The following UBAP1 variants were observed in gnomAD, a reference collection of about 807,000 sequenced individuals.
UBAP1 encodes the protein ubiquitin associated protein 1, also known as ubiquitin-associated protein 1.
Under a neutral mutation model 39.0 loss-of-function variants are expected in UBAP1, and 5 were observed. The ratio of observed to expected loss-of-function variants is 0.13; its 90% CI spans 0.07 to 0.27. The LOEUF (loss-of-function observed/expected upper bound fraction) is 0.27, where lower values mean the gene tolerates loss of function less well. Ranked by LOEUF, UBAP1 falls within the 10% of genes least tolerant of loss-of-function variation. The pLI is 1.00. For missense variants in UBAP1, 490 were observed against 608.1 expected (o/e 0.81, Z 2.04); for synonymous variants, 211 against 225.1 (o/e 0.94, Z 0.56).
intron 2 of UBAP1, among the ~76,000 whole-genome samples, chr9:34,227,531 G>GA (rs1833168594): frequency 6.6e-6 from 1 of 151,964 alleles, no homozygotes; most frequent in South Asian, 2.1e-4. Context: ...ACTTTTTTTA[G>GA]AAAAAACGGG....
intron 1 of UBAP1, among the ~76,000 whole-genome samples, chr9:34,195,978 A>G (rs1293812284): frequency 1.1e-5 from 1 of 94,922 alleles, no homozygotes; most frequent in Non-Finnish European, 1.9e-5. Context: ...ATAGAGTCTC[A>G]CTATGTTGCC....
At chr9:34,206,586 A>T (rs1831708103) in intron 1 of UBAP1, among the ~76,000 whole-genome samples, 1 of 152,142 alleles carries the variant, frequency 6.6e-6, no homozygotes, top group South Asian at 2.1e-4. Context: ...TTGACTTAAA[A>T]AAAAAACAAA....
At chr9:34,243,254 C>G (rs771301102) in intron 4 of UBAP1, among the ~76,000 whole-genome samples, 4 of 152,166 alleles carry the variant, frequency 2.6e-5, no homozygotes, top group Non-Finnish European at 4.4e-5. Flanking sequence ...GGCCAACACT[C>G]CCTTCCTCTC....
At chr9:34,202,099 G>A (rs1283692372) in intron 1 of UBAP1, among the ~76,000 whole-genome samples, 3 of 152,082 alleles carry the variant, frequency 2.0e-5, no homozygotes, top group Admixed American at 6.5e-5. Context: ...TCCAAATCCA[G>A]TCCTCTTGAG....
At chr9:34,220,785 G>A in intron 1 of UBAP1, 123 bp from the exon 2 acceptor site, 2 of 731,562 alleles carry the variant, frequency 2.7e-6, no homozygotes, top group African/African-American at 1.8e-5. Flanking sequence ...CTTTGGGAGT[G>A]AGACGTGAGG....
chr9:34,215,126 T>A (rs1832225719), intron 1 of UBAP1, among the ~76,000 whole-genome samples: 1 of 152,146 alleles, frequency 6.6e-6, no homozygotes. Context: ...CACTACTGGA[T>A]ATCTACCCAG....
At chr9:34,218,096 CA>C (rs1832437301) in intron 1 of UBAP1, among the ~76,000 whole-genome samples, 1 of 150,034 alleles carries the variant, frequency 6.7e-6, no homozygotes, top group Non-Finnish European at 1.5e-5. Context: ...ACTAAAAATA[CA>C]AAAAATTAGC....
At chr9:34,230,278 C>T (rs949318922) in intron 2 of UBAP1, among the ~76,000 whole-genome samples, 1 of 151,744 alleles carries the variant, frequency 6.6e-6, no homozygotes, top group African/African-American at 2.4e-5. Context: ...GCTGGCCAGG[C>T]TGGTCTCGAA....
rs372322970 is a variant in UBAP1, at chr9:34,179,070, G to A, written c.-178G>A. ...GAAGTAGGACTTCAACATGGCGGCT[G>A]CGGCACTGGCGGTGGCTACGGTGAC... On this transcript the variant is annotated 5_prime_UTR_variant, in exon 1 of 7. Transcript: ENST00000297661. 7.8e-7 allele frequency: 1 copy of A among 1,277,126 alleles called. No individual in the cohort carries two copies. The highest frequency in any genetic ancestry group is 9.9e-7 in the Non-Finnish European group (1 of 1,010,382). 79.1% of individuals were successfully genotyped at this position (1,277,126 alleles called of 1,614,324 possible).
chr9:34,222,552 T>G (rs1832816127), intron 2 of UBAP1, among the ~76,000 whole-genome samples: 1 of 151,508 alleles, frequency 6.6e-6, no homozygotes, highest in African/African-American at 2.4e-5. Flanking sequence ...AACAGTAGAT[T>G]AGGAGGTTGA....
intron 2 of UBAP1, 86 bp downstream of exon 2, chr9:34,221,034 C>G (rs1166916634): frequency 1.7e-6 from 2 of 1,201,470 alleles, no homozygotes; most frequent in African/African-American, 3.0e-5. Context: ...GTACAAGTGC[C>G]CCTTTTTGTC....
chr9:34,202,624 C>CGTGTGTGTGTGTGTGTGTGT lies in UBAP1; in HGVS notation c.-7-18249_-7-18230dup, dbSNP rs56012034. On this transcript the variant is annotated intron_variant, in intron 1 of 6. Coordinates refer to ENST00000297661, the MANE Select transcript of UBAP1 (RefSeq NM_016525.5). ...ATGGGCCAGAAGCTGTAGACAGAAA[C>CGTGTGTGTGTGTGTGTGTGT]GTGTGTGTGTGTGTGTGTGTGTGTG... Among the ~76,000 whole-genome samples, 36 of 107,362 alleles carry CGTGTGTGTGTGTGTGTGTGT rather than the reference C, an allele frequency of 3.4e-4. 1 individual carries two copies. Among genetic ancestry groups the CGTGTGTGTGTGTGTGTGTGT allele is most frequent in the African/African-American group, 1.2e-3 (30 of 25,544 alleles). 70.4% of individuals were successfully genotyped at this position (107,362 alleles called of 152,430 possible).
intron 1 of UBAP1, among the ~76,000 whole-genome samples, chr9:34,192,215 G>A (rs1388413790): frequency 6.6e-6 from 1 of 150,874 alleles, no homozygotes; most frequent in Non-Finnish European, 1.5e-5. Context: ...TGGACAGTGA[G>A]TTGAAAGATC....
intron 2 of UBAP1, among the ~76,000 whole-genome samples, chr9:34,224,986 C>A (rs930781345): frequency 6.6e-6 from 1 of 152,182 alleles, no homozygotes; most frequent in African/African-American, 2.4e-5. Context: ...CTGCTTGCTA[C>A]TTGATCTTTC....
chr9:34,192,581 C>G (rs930205235), intron 1 of UBAP1, among the ~76,000 whole-genome samples: 1 of 149,376 alleles, frequency 6.7e-6, no homozygotes, highest in South Asian at 2.1e-4. Context: ...AAACCAATCT[C>G]TCTCAGCCTT....
intron 1 of UBAP1, among the ~76,000 whole-genome samples, chr9:34,217,798 T>TTTC (rs1832419288): frequency 7.5e-6 from 1 of 133,110 alleles, no homozygotes; most frequent in Non-Finnish European, 1.6e-5. Context: ...TTTTTTTTTT[T>TTTC]TTTTTTTTTT....
At chr9:34,224,367 G>A (rs1449432944) in intron 2 of UBAP1, 5 of 441,268 alleles carry the variant, frequency 1.1e-5, no homozygotes, top group Non-Finnish European at 2.1e-5. Flanking sequence ...GGACCAGCTC[G>A]TTATTAAACG....
At chr9:34,210,778 G>A (rs1265857957) in intron 1 of UBAP1, among the ~76,000 whole-genome samples, 1 of 150,848 alleles carries the variant, frequency 6.6e-6, no homozygotes, top group African/African-American at 2.4e-5. Flanking sequence ...TAGTTTACTG[G>A]TAGAGTGGTT....
rs568545765 is a variant in UBAP1 at position 34,250,712 on chromosome 9, C to A, written c.1321C>A (p.Leu441Ile). The change falls in exon 6 of 7, where the codon CTT (leucine) becomes ATT (isoleucine). Residue 441 changes from leucine to isoleucine, a missense_variant. Physicochemically the swap from Leu to Ile is conservative, Grantham distance 5. Transcript: ENST00000297661. ...GCTTTGTGAGAAGGGCTTCGACCCT[C>A]TTTTAGTGGAAGAGGCTCTGGAAAT... is the stretch of plus-strand genomic sequence containing the variant. ...GQLCEKGFDP[L>I]LVEEALEMHQ... 3.7e-5 allele frequency: 59 copies of A among 1,613,690 alleles called. No homozygotes were observed. Among genetic ancestry groups the A allele is most frequent in the Non-Finnish European group, 4.9e-5 (58 of 1,179,772 alleles).
Sources: allele counts gnomAD v4.1 joint callset (sites outside exome capture counted in the v4.1 genomes callset), GRCh38; gene constraint gnomAD v4.1.1; transcripts MANE v1.5; gene names NCBI Gene and HGNC (gene_info 2026-07-23, HGNC 2026-07-21).